The following NRK variants were observed in gnomAD, a reference collection of about 807,000 sequenced individuals.
NRK encodes the protein Nik related kinase, also known as nik-related protein kinase.
In NRK, 67 loss-of-function variants were observed where a neutral mutation model predicts 125.2. That is an observed-to-expected ratio of 0.54 (90% confidence interval 0.44 to 0.66). The LOEUF (loss-of-function observed/expected upper bound fraction) is 0.66, where lower values mean the gene tolerates loss of function less well. Among genes scored for constraint, NRK ranks in the 30% least tolerant of loss-of-function variants. The pLI is 0.00. For missense variants in NRK, 1,224 were observed against 1,192.9 expected (o/e 1.03, Z -0.38); for synonymous variants, 458 against 429.0 (o/e 1.07, Z -0.84).
At chrX:105,893,802 A>AT in intron 5 of NRK, 30 bp from the exon 6 acceptor site, 1 of 964,938 alleles carries the variant, frequency 1.0e-6, no homozygotes, top group Non-Finnish European at 1.5e-6. Flanking sequence ...TTGGACACTA[A>AT]TTTTTTATAC....
chrX:105,892,624 G>A (rs1165863797), intron 5 of NRK, among the ~76,000 whole-genome samples: 1 of 111,447 alleles, frequency 9.0e-6, no homozygotes, highest in Non-Finnish European at 1.9e-5. Flanking sequence ...TGAAAATGAG[G>A]AGTTACCACA....
chrX:105,886,031 T>G (rs1452679128), intron 4 of NRK, among the ~76,000 whole-genome samples: 1 of 110,423 alleles, frequency 9.1e-6, no homozygotes, highest in Non-Finnish European at 1.9e-5. Flanking sequence ...TGGTAGGTGT[T>G]TTTTTCTGAC....
At chrX:105,827,247 A>G (rs1479478638) in intron 1 of NRK, among the ~76,000 whole-genome samples, 1 of 111,580 alleles carries the variant, frequency 9.0e-6, no homozygotes, top group Non-Finnish European at 1.9e-5. Context: ...TTTTCATAAA[A>G]TTGCTGTTTC....
chrX:105,840,093 C>T (rs948613704), intron 2 of NRK, among the ~76,000 whole-genome samples: 7 of 111,505 alleles, frequency 6.3e-5, no homozygotes, highest in African/African-American at 1.3e-4. Flanking sequence ...CTATCTTGGC[C>T]GTGACAACTC....
At chrX:105,846,119 G>T (rs2039398153) in intron 2 of NRK, among the ~76,000 whole-genome samples, 1 of 111,429 alleles carries the variant, frequency 9.0e-6, no homozygotes. Context: ...CAAGCCCCTA[G>T]TGTGATTGCA....
At chrX:105,907,014 A>G (rs2147743917) in intron 11 of NRK, among the ~76,000 whole-genome samples, 1 of 111,245 alleles carries the variant, frequency 9.0e-6, no homozygotes, top group East Asian at 2.8e-4. Flanking sequence ...TTTGTAATTA[A>G]CCATTTATTC....
Sources: gnomAD v4.1 joint callset for allele counts (sites outside exome capture counted in the v4.1 genomes callset) on GRCh38, gnomAD v4.1.1 for gene constraint, MANE v1.5 for transcripts, NCBI Gene and HGNC (gene_info 2026-07-23, HGNC 2026-07-21) for gene names.